The following DNAJC15 variants were observed in gnomAD, a reference collection of about 807,000 sequenced individuals.
DNAJC15 encodes DnaJ heat shock protein family (Hsp40) member C15, also known as dnaJ homolog subfamily C member 15.
A neutral mutation model predicts 22.4 loss-of-function variants in DNAJC15; 27 were observed. The observed-to-expected ratio is 1.20, with a 90% CI of 0.89 to 1.66. DNAJC15 has a LOEUF of 1.66. Ranked by LOEUF, DNAJC15 falls within the 40% of genes most tolerant of loss-of-function variation. The pLI is 0.00. For synonymous variants in DNAJC15, 79 were observed against 63.2 expected, an observed-to-expected ratio of 1.25 and a Z score of -1.19; for missense variants, 208 against 187.1, an observed-to-expected ratio of 1.11 and a Z score of -0.65.
chr13:43,029,925 CCAA>C (rs1474720337), intron 1 of DNAJC15, among the ~76,000 whole-genome samples: 3 of 151,956 alleles, frequency 2.0e-5, no homozygotes, highest in African/African-American at 7.3e-5. Context: ...ATGAATGAAA[CCAA>C]CAGGCTTGGA....
intron 4 of DNAJC15, among the ~76,000 whole-genome samples, chr13:43,080,733 TATG>T (rs1166706536): frequency 1.3e-5 from 2 of 152,268 alleles, no homozygotes; most frequent in South Asian, 2.1e-4. Context: ...ATAAGAATGA[TATG>T]ATGATACCTT....
At chr13:43,041,074 A>T (rs1047622738) in intron 1 of DNAJC15, among the ~76,000 whole-genome samples, 1 of 152,152 alleles carries the variant, frequency 6.6e-6, no homozygotes, top group African/African-American at 2.4e-5. Flanking sequence ...AATCCTCCTC[A>T]GCACAGACCC....
chr13:43,105,695 A>G (rs1235801531), intron 5 of DNAJC15, among the ~76,000 whole-genome samples: 2 of 152,338 alleles, frequency 1.3e-5, no homozygotes, highest in Non-Finnish European at 2.9e-5. Flanking sequence ...CATATCAATT[A>G]AAGGTTATGT....
intron 1 of DNAJC15, among the ~76,000 whole-genome samples, chr13:43,030,460 C>T (rs577305809): frequency 1.6e-4 from 25 of 152,292 alleles, no homozygotes; most frequent in South Asian, 8.3e-4. Context: ...AGACTGAACA[C>T]ATAGACAATA....
intron 5 of DNAJC15, among the ~76,000 whole-genome samples, chr13:43,099,708 G>A (rs1050257602): frequency 6.6e-6 from 1 of 151,950 alleles, no homozygotes; most frequent in Non-Finnish European, 1.5e-5. Flanking sequence ...AACCAAACTT[G>A]CATCCCTGTG....
At chr13:43,030,192 G>A (rs2040398277) in intron 1 of DNAJC15, among the ~76,000 whole-genome samples, 1 of 152,096 alleles carries the variant, frequency 6.6e-6, no homozygotes, top group Non-Finnish European at 1.5e-5. Flanking sequence ...TTAGAAATAG[G>A]TTCTGTTTTT....
In DNAJC15 at chr13:43,107,394, A is replaced by C. The variant is rs988768517; in HGVS notation, c.*146A>C. The C allele has an allele frequency of 1.9e-6, 1 of 521,306 alleles. No homozygotes were observed. The highest frequency in any genetic ancestry group is 3.1e-6 in the Non-Finnish European group (1 of 318,032). The allele number at this position is 521,306 out of a possible 1,614,324, so 32.3% of individuals were successfully genotyped here. A position where few individuals can be genotyped will look rare whatever the true frequency, so the allele number is the denominator to read the frequency against. On this transcript the variant is annotated 3_prime_UTR_variant, in exon 6 of 6. Transcript: ENST00000379221. ...TTCCACCATTAAGCTGTATAACAAT[A>C]AAATGTTAATAGTCTTGCTTTTTAT...
intron 1 of DNAJC15, among the ~76,000 whole-genome samples, chr13:43,031,876 A>G (rs2040405527): frequency 6.6e-6 from 1 of 152,248 alleles, no homozygotes; most frequent in Non-Finnish European, 1.5e-5. Context: ...AGGAAAACAT[A>G]TAACTTAAAT....
rs549864363 is a variant in DNAJC15 at position 43,068,441 on chromosome 13, A to G, written c.161-489A>G. Reference sequence around the variant, plus strand: ...GTATTTCATATGTAATTGCTTTTTTACTTTAGAGATAATTGATTAAAACCA... The same window carrying G: ...GTATTTCATATGTAATTGCTTTTTTGCTTTAGAGATAATTGATTAAAACCA... On this transcript the variant is annotated intron_variant, in intron 2 of 5. Coordinates refer to ENST00000379221, the MANE Select transcript of DNAJC15 (RefSeq NM_013238.3). Among the ~76,000 whole-genome samples, 5 of 152,220 alleles carry G rather than the reference A, an allele frequency of 3.3e-5. No individual in the cohort carries two copies. The East Asian group carries it at 9.6e-4, about 29-fold the overall frequency.
rs552436546 is a variant in DNAJC15, at chr13:43,065,245, T to A, written c.109-441T>A. 6.6e-5 allele frequency among the ~76,000 whole-genome samples: 10 copies of A among 152,340 alleles called. 1 individual carries two copies. The highest frequency in any genetic ancestry group is 2.4e-4 in the African/African-American group (10 of 41,582). On this transcript the variant is annotated intron_variant, in intron 1 of 5. Coordinates refer to ENST00000379221, the MANE Select transcript of DNAJC15 (RefSeq NM_013238.3). ...ATCATTTTTGATAAGTTTGGAAGCT[T>A]GACTTCTTTCCTAAACATTGATGTA...
rs2040362213 is a variant in DNAJC15, at chr13:43,023,602, C to T, written c.-25C>T. Reference sequence around the variant, plus strand: ...CCGCCTCGTAGTCACTGCCGCGGCGCCTTGAGTCTCCGGGCCGCCTTGCCA... The same window carrying T: ...CCGCCTCGTAGTCACTGCCGCGGCGTCTTGAGTCTCCGGGCCGCCTTGCCA... On this transcript the variant is annotated 5_prime_UTR_variant, in exon 1 of 6. Coordinates refer to ENST00000379221, the MANE Select transcript of DNAJC15 (RefSeq NM_013238.3). 5 of 1,598,418 alleles carry T rather than the reference C, an allele frequency of 3.1e-6. No individual in the cohort carries two copies. The highest frequency in any genetic ancestry group is 1.7e-5 in the Admixed American group (1 of 58,494).
chr13:43,107,729 T>G lies in DNAJC15; in HGVS notation c.*481T>G, dbSNP rs529997177. The G allele has an allele frequency of 6.6e-6, 1 of 152,356 alleles. No individual in the cohort carries two copies. The highest frequency in any genetic ancestry group is 1.5e-5 in the Non-Finnish European group (1 of 68,090). 9.4% of individuals were successfully genotyped at this position (152,356 alleles called of 1,614,324 possible). A position where few individuals can be genotyped will look rare whatever the true frequency, so the allele number is the denominator to read the frequency against. On this transcript the variant is annotated 3_prime_UTR_variant, in exon 6 of 6. Coordinates refer to ENST00000379221, the MANE Select transcript of DNAJC15 (RefSeq NM_013238.3). ...AGCACTGGCTGATACCTCTTGGAGA[T>G]ATGATCTGAAATGTAATGGAATTTA...
intron 4 of DNAJC15, among the ~76,000 whole-genome samples, chr13:43,083,825 G>A (rs892240705): frequency 6.6e-6 from 1 of 152,148 alleles, no homozygotes; most frequent in Admixed American, 6.5e-5. Context: ...GTACCTACAA[G>A]CCAAAAAGTA....
At chr13:43,063,299 C>T (rs1230042395) in intron 1 of DNAJC15, among the ~76,000 whole-genome samples, 4 of 152,208 alleles carry the variant, frequency 2.6e-5, no homozygotes, top group Admixed American at 6.5e-5. Context: ...CGTGAGCCAC[C>T]GCGTCCAGCT....
intron 5 of DNAJC15, among the ~76,000 whole-genome samples, chr13:43,100,889 G>A (rs1490410852): frequency 3.3e-5 from 5 of 152,186 alleles, no homozygotes; most frequent in South Asian, 2.1e-4. Flanking sequence ...CTTAGTTTCT[G>A]TTTTTGTTTT....
chr13:43,038,024 CTTAA>C (rs1316363100), intron 1 of DNAJC15, among the ~76,000 whole-genome samples: 1 of 152,074 alleles, frequency 6.6e-6, no homozygotes, highest in Non-Finnish European at 1.5e-5. Context: ...TTACATGTGC[CTTAA>C]TTTATTTAAT....
At chr13:43,101,190 T>C (rs1300560009) in intron 5 of DNAJC15, among the ~76,000 whole-genome samples, 2 of 152,208 alleles carry the variant, frequency 1.3e-5, no homozygotes, top group Non-Finnish European at 2.9e-5. Context: ...CATGCTTGTT[T>C]GCTTTTCTTC....
chr13:43,064,778 A>G (rs1310629448), intron 1 of DNAJC15, among the ~76,000 whole-genome samples: 1 of 152,186 alleles, frequency 6.6e-6, no homozygotes, highest in African/African-American at 2.4e-5. Flanking sequence ...GCAGCAATGT[A>G]TGCATTCCAG....
chr13:43,059,149 T>G (rs941942680), intron 1 of DNAJC15, among the ~76,000 whole-genome samples: 6 of 145,250 alleles, frequency 4.1e-5, no homozygotes, highest in Non-Finnish European at 7.8e-5. Context: ...CTCTCCACCG[T>G]TTTTTTCTTT....
Sources: allele counts gnomAD v4.1 joint callset (sites outside exome capture counted in the v4.1 genomes callset), GRCh38; gene constraint gnomAD v4.1.1; transcripts MANE v1.5; gene names NCBI Gene and HGNC (gene_info 2026-07-23, HGNC 2026-07-21).